The following GAP43 variants were observed in gnomAD, a reference collection of about 807,000 sequenced individuals.
GAP43 encodes neuromodulin.
In GAP43, 6 loss-of-function variants were observed where a neutral mutation model predicts 18.6. The ratio of observed to expected loss-of-function variants is 0.32; its 90% CI spans 0.18 to 0.64. The LOEUF is 0.64. Among genes scored for constraint, GAP43 ranks in the 30% least tolerant of loss-of-function variants. The probability of loss-of-function intolerance (pLI) is 0.78; values close to 1 mark genes in which losing one functional copy is unlikely to be tolerated. For missense variants in GAP43, 292 were observed against 295.5 expected (o/e 0.99, Z 0.09); for synonymous variants, 115 against 111.4 (o/e 1.03, Z -0.20).
At chr3:115,698,357 G>C (rs1312929183) in intron 2 of GAP43, among the ~76,000 whole-genome samples, 1 of 85,594 alleles carries the variant, frequency 1.2e-5, no homozygotes, top group Non-Finnish European at 2.5e-5. Context: ...CATGATCAGA[G>C]TCCAAGGATT....
chr3:115,685,137 G>T (rs1256636498), intron 2 of GAP43, among the ~76,000 whole-genome samples: 1 of 152,166 alleles, frequency 6.6e-6, no homozygotes, highest in Non-Finnish European at 1.5e-5. Flanking sequence ...AAAGTTTAGT[G>T]TTACTCAGGC....
At position 115,683,141 on chromosome 3, in the gene GAP43, GCGCGCGCACACACACACA is replaced by G. The variant is rs1194821617; in HGVS notation, c.628+6533_628+6550del. Among the ~76,000 whole-genome samples, 360 of 121,394 alleles carry G rather than the reference GCGCGCGCACACACACACA, an allele frequency of 3.0e-3. 1 individual carries two copies. Among genetic ancestry groups the G allele is most frequent in the African/African-American group, 0.01 (340 of 33,774 alleles). The allele number at this position is 121,394 out of a possible 152,430, so 79.6% of individuals were successfully genotyped here. ...CATACATGTGCGCGCGCGTGCGCGCGCGCGCGCACACACACACACACACACACACACACACACACACAC... is the reference window on the plus strand; with the variant it reads ...CATACATGTGCGCGCGCGTGCGCGCGCACACACACACACACACACACACAC... On this transcript the variant is annotated intron_variant, in intron 2 of 2. Coordinates refer to ENST00000305124, the MANE Select transcript of GAP43 (RefSeq NM_002045.4).
intron 2 of GAP43, among the ~76,000 whole-genome samples, chr3:115,714,727 A>T (rs1709481780): frequency 6.6e-6 from 1 of 150,392 alleles, no homozygotes; most frequent in Admixed American, 6.6e-5. Flanking sequence ...TTTTAGACAC[A>T]TTCGGTTTTA....
Position 115,676,357 on chromosome 3 carries a change from C to T in GAP43, c.375C>T (p.Pro125=). 6.2e-7 allele frequency: 1 copy of T among 1,614,088 alleles called. No individual in the cohort carries two copies. The highest frequency in any genetic ancestry group is 8.5e-7 in the Non-Finnish European group (1 of 1,179,980). The change falls in exon 2 of 3, where the codon CCC becomes CCT. Residue 125 remains proline, a synonymous_variant. Transcript: ENST00000305124. The part of the protein sequence containing the change: ...EGDAATEQAA[P]QAPASSEEKA... Reference sequence around the variant, plus strand: ...ATGCTGCCACAGAGCAGGCAGCCCCCCAGGCTCCTGCATCCTCAGAGGAGA... The same window carrying T: ...ATGCTGCCACAGAGCAGGCAGCCCCTCAGGCTCCTGCATCCTCAGAGGAGA...
intron 1 of GAP43, among the ~76,000 whole-genome samples, chr3:115,645,600 G>C (rs892555581): frequency 8.9e-6 from 1 of 111,904 alleles, no homozygotes; most frequent in Non-Finnish European, 2.1e-5. Context: ...GTAAATACTA[G>C]TATCTTGGTG....
chr3:115,711,179 T>C (rs755260777), intron 2 of GAP43, among the ~76,000 whole-genome samples: 7 of 152,224 alleles, frequency 4.6e-5, no homozygotes, highest in Non-Finnish European at 8.8e-5. Flanking sequence ...TTTCTGTGGT[T>C]ATACCATATA....
At chr3:115,715,981 GA>G (rs1709497234) in intron 2 of GAP43, among the ~76,000 whole-genome samples, 3 of 152,152 alleles carry the variant, frequency 2.0e-5, no homozygotes, top group Non-Finnish European at 4.4e-5. Flanking sequence ...CCCCAGCTGT[GA>G]AATGGGGTGA....
intron 1 of GAP43, among the ~76,000 whole-genome samples, chr3:115,656,001 C>T (rs1220331616): frequency 6.6e-6 from 1 of 152,172 alleles, no homozygotes; most frequent in African/African-American, 2.4e-5. Context: ...TGATCTAATT[C>T]AGTTATCTAC....
chr3:115,717,732 A>G (rs1419894397), intron 2 of GAP43, among the ~76,000 whole-genome samples: 2 of 151,760 alleles, frequency 1.3e-5, no homozygotes, highest in Non-Finnish European at 2.9e-5. Context: ...GTCCAGTAAC[A>G]ACTTATTGAA....
chr3:115,661,616 G>A lies in GAP43; in HGVS notation c.31-14397G>A, dbSNP rs571367657. ...CCGTTCTCCTGTCTCAGCCTCCCGAGTAGCCGGGACTACAGGCACCCGCCA... is the reference window on the plus strand; with the variant it reads ...CCGTTCTCCTGTCTCAGCCTCCCGAATAGCCGGGACTACAGGCACCCGCCA... On this transcript the variant is annotated intron_variant, in intron 1 of 2. Coordinates refer to ENST00000305124, the MANE Select transcript of GAP43 (RefSeq NM_002045.4). Among the ~76,000 whole-genome samples, 4 of 152,194 alleles carry A rather than the reference G, an allele frequency of 2.6e-5. No individual in the cohort carries two copies. The South Asian group carries it at 8.3e-4, about 32-fold the overall frequency.
intron 1 of GAP43, among the ~76,000 whole-genome samples, chr3:115,637,480 T>TA (rs1413144513): frequency 6.6e-6 from 1 of 152,096 alleles, no homozygotes; most frequent in African/African-American, 2.4e-5. Context: ...TAACACTTGA[T>TA]ACTGCTGGCT....
Position 115,633,242 on chromosome 3 carries a change from G to C in GAP43, c.30+9523G>C, listed in dbSNP as rs541849957. ...AGACAAAGGGAGAGAGGGACAGAGGGAGAGAGACAGAGAGAGAGAGAATGA... is the reference window on the plus strand; with the variant it reads ...AGACAAAGGGAGAGAGGGACAGAGGCAGAGAGACAGAGAGAGAGAGAATGA... On this transcript the variant is annotated intron_variant, in intron 1 of 2. Coordinates refer to ENST00000305124, the MANE Select transcript of GAP43 (RefSeq NM_002045.4). Among the ~76,000 whole-genome samples, 41 of 152,162 alleles carry C rather than the reference G, an allele frequency of 2.7e-4. 1 individual carries two copies. Among genetic ancestry groups the C allele is most frequent in the Middle Eastern group, 3.4e-3 (1 of 294 alleles).
intron 1 of GAP43, among the ~76,000 whole-genome samples, chr3:115,640,814 G>A (rs916628763): frequency 3.3e-5 from 5 of 151,840 alleles, no homozygotes; most frequent in East Asian, 1.9e-4. Flanking sequence ...GACGTTTACC[G>A]GACACTCTCC....
At chr3:115,641,033 TTTTC>T (rs1445324960) in intron 1 of GAP43, among the ~76,000 whole-genome samples, 4 of 140,638 alleles carry the variant, frequency 2.8e-5, no homozygotes, top group Admixed American at 1.5e-4. Context: ...CTGTTTTTTT[TTTTC>T]TTTTTTTTTT....
intron 1 of GAP43, among the ~76,000 whole-genome samples, chr3:115,665,831 G>A (rs1708725233): frequency 6.6e-6 from 1 of 152,058 alleles, no homozygotes; most frequent in East Asian, 1.9e-4. Flanking sequence ...ACAAATGTCT[G>A]GCAGCTTCAT....
intron 1 of GAP43, among the ~76,000 whole-genome samples, chr3:115,656,588 A>G (rs965750627): frequency 1.3e-5 from 2 of 152,228 alleles, no homozygotes; most frequent in African/African-American, 4.8e-5. Flanking sequence ...GGAGAAAATG[A>G]TGTAATCTAC....
chr3:115,693,704 G>C (rs533137221), intron 2 of GAP43, among the ~76,000 whole-genome samples: 2 of 147,580 alleles, frequency 1.4e-5, no homozygotes, highest in African/African-American at 5.0e-5. Context: ...GGGGAGTGCT[G>C]AGAAGGAAAC....
intron 1 of GAP43, among the ~76,000 whole-genome samples, chr3:115,626,481 T>G (rs116322280): frequency 0.05 from 7,643 of 151,894 alleles, 209 homozygotes; most frequent in Middle Eastern, 0.075. Context: ...AGAATGAGAG[T>G]GGGGTAGAGA....
chr3:115,705,805 C>T (rs1484239536), intron 2 of GAP43, among the ~76,000 whole-genome samples: 1 of 152,180 alleles, frequency 6.6e-6, no homozygotes, highest in Non-Finnish European at 1.5e-5. Context: ...AAATAATTAA[C>T]ATCAAATACA....
Sources: gnomAD v4.1 joint callset for allele counts (sites outside exome capture counted in the v4.1 genomes callset) on GRCh38, gnomAD v4.1.1 for gene constraint, MANE v1.5 for transcripts, NCBI Gene and HGNC (gene_info 2026-07-23, HGNC 2026-07-21) for gene names.